The following SNTG1 variants were observed in gnomAD, a reference collection of about 807,000 sequenced individuals.
SNTG1 encodes the protein syntrophin gamma 1, also known as gamma-1-syntrophin.
In SNTG1, 39 loss-of-function variants were observed where a neutral mutation model predicts 74.7. The ratio of observed to expected loss-of-function variants is 0.52; its 90% CI spans 0.40 to 0.68. The LOEUF (loss-of-function observed/expected upper bound fraction) is 0.68, where lower values mean the gene tolerates loss of function less well. Ranked by LOEUF, SNTG1 falls within the 30% of genes least tolerant of loss-of-function variation. SNTG1 has a pLI of 0.00. For synonymous variants in SNTG1, 254 were observed against 217.1 expected, an observed-to-expected ratio of 1.17 and a Z score of -1.49; for missense variants, 685 against 609.5, an observed-to-expected ratio of 1.12 and a Z score of -1.30.
intron 1 of SNTG1, among the ~76,000 whole-genome samples, chr8:50,021,586 G>C (rs1466328920): frequency 6.6e-6 from 1 of 152,112 alleles, no homozygotes; most frequent in Non-Finnish European, 1.5e-5. Flanking sequence ...GTATCATGGT[G>C]CTGATCAGTT....
At chr8:50,569,333 T>C (rs2130745950) in intron 12 of SNTG1, among the ~76,000 whole-genome samples, 1 of 152,158 alleles carries the variant, frequency 6.6e-6, no homozygotes, top group Non-Finnish European at 1.5e-5. Context: ...TTTAATCAGT[T>C]ATTAGAGTGT....
intron 13 of SNTG1, among the ~76,000 whole-genome samples, chr8:50,653,940 T>C (rs2095164512): frequency 6.6e-6 from 1 of 152,188 alleles, no homozygotes; most frequent in South Asian, 2.1e-4. Context: ...TTATAAATCG[T>C]CTGCCTTCTA....
chr8:50,380,187 T>C (rs2092457688), intron 2 of SNTG1, among the ~76,000 whole-genome samples: 1 of 152,222 alleles, frequency 6.6e-6, no homozygotes, highest in Non-Finnish European at 1.5e-5. Flanking sequence ...CTTAAATAGT[T>C]GACTCCAAGG....
intron 1 of SNTG1, among the ~76,000 whole-genome samples, chr8:49,912,623 T>G (rs1474945600): frequency 6.6e-6 from 1 of 152,238 alleles, no homozygotes; most frequent in Non-Finnish European, 1.5e-5. Flanking sequence ...AGAGAGGGTT[T>G]AACCATGCCC....
chr8:50,794,769 A>G lies in SNTG1; in HGVS notation c.*1940A>G, dbSNP rs1179895585. On this transcript the variant is annotated 3_prime_UTR_variant, in exon 19 of 19. Coordinates refer to ENST00000642720, the MANE Select transcript of SNTG1 (RefSeq NM_018967.5). ...ATATTGGGGTTACATGAATGTGTCCACAATCTGGAAGGCAATATGACATGG... is the reference window on the plus strand; with the variant it reads ...ATATTGGGGTTACATGAATGTGTCCGCAATCTGGAAGGCAATATGACATGG... 1 of 152,068 alleles carries G rather than the reference A, an allele frequency of 6.6e-6. No individual in the cohort carries two copies. The highest frequency in any genetic ancestry group is 1.5e-5 in the Non-Finnish European group (1 of 67,962). 9.4% of individuals were successfully genotyped at this position (152,068 alleles called of 1,614,324 possible).
intron 2 of SNTG1, among the ~76,000 whole-genome samples, chr8:50,193,848 T>C (rs570291024): frequency 6.6e-6 from 1 of 152,214 alleles, no homozygotes; most frequent in East Asian, 1.9e-4. Flanking sequence ...ATGTCCCTTG[T>C]ATGCTGATTT....
At chr8:50,024,416 T>G (rs1817084529) in intron 1 of SNTG1, among the ~76,000 whole-genome samples, 1 of 152,166 alleles carries the variant, frequency 6.6e-6, no homozygotes, top group South Asian at 2.1e-4. Flanking sequence ...TCATGCAGAC[T>G]GGATTTCTTT....
intron 1 of SNTG1, among the ~76,000 whole-genome samples, chr8:50,159,631 T>C (rs1383841173): frequency 1.3e-5 from 2 of 152,200 alleles, no homozygotes; most frequent in African/African-American, 2.4e-5. Flanking sequence ...TTGACATGTA[T>C]ATCAAAAAAG....
intron 18 of SNTG1, among the ~76,000 whole-genome samples, chr8:50,766,041 G>A (rs1025402305): frequency 6.6e-6 from 1 of 151,876 alleles, no homozygotes; most frequent in African/African-American, 2.4e-5. Flanking sequence ...GTAAACTGCT[G>A]CTAAATTATG....
chr8:50,436,571 A>T (rs965488415), intron 4 of SNTG1, among the ~76,000 whole-genome samples: 1 of 152,160 alleles, frequency 6.6e-6, no homozygotes, highest in African/African-American at 2.4e-5. Flanking sequence ...AGCATTTTCC[A>T]AATTTGAAAA....
intron 8 of SNTG1, among the ~76,000 whole-genome samples, chr8:50,453,193 T>C (rs1295454139): frequency 1.3e-5 from 2 of 152,228 alleles, no homozygotes; most frequent in East Asian, 1.9e-4. Context: ...GTTTGATTTA[T>C]ATAGAAGGGG....
intron 1 of SNTG1, among the ~76,000 whole-genome samples, chr8:50,070,510 T>G (rs757217162): frequency 6.6e-6 from 1 of 152,178 alleles, no homozygotes; most frequent in Non-Finnish European, 1.5e-5. Context: ...TAAATACCCA[T>G]GCACCTGTGA....
intron 13 of SNTG1, among the ~76,000 whole-genome samples, chr8:50,611,278 C>T (rs2094848036): frequency 6.6e-6 from 1 of 152,144 alleles, no homozygotes; most frequent in Admixed American, 6.5e-5. Context: ...CCCTTTGCCT[C>T]TGAGTAGTTT....
chr8:50,708,381 G>T (rs757474075), intron 16 of SNTG1: 2 of 154,018 alleles, frequency 1.3e-5, no homozygotes, highest in Non-Finnish European at 2.9e-5. Context: ...TTAAGATCAA[G>T]ATCTATTCTT....
chr8:50,286,330 C>T (rs970737943), intron 2 of SNTG1, among the ~76,000 whole-genome samples: 1 of 152,120 alleles, frequency 6.6e-6, no homozygotes, highest in Non-Finnish European at 1.5e-5. Context: ...CTGTATCTGT[C>T]CCAATGTGAC....
intron 1 of SNTG1, among the ~76,000 whole-genome samples, chr8:49,980,447 G>A (rs572329694): frequency 4.4e-5 from 6 of 135,288 alleles, no homozygotes; most frequent in East Asian, 4.7e-4. Flanking sequence ...CTGCCTGCAC[G>A]AGTTCCTCCA....
chr8:49,918,867 C>T (rs1806278010), intron 1 of SNTG1, among the ~76,000 whole-genome samples: 1 of 151,794 alleles, frequency 6.6e-6, no homozygotes, highest in South Asian at 2.1e-4. Context: ...TGACAAAATC[C>T]CAGCTTAAAG....
At chr8:49,954,735 T>C (rs1279776405) in intron 1 of SNTG1, among the ~76,000 whole-genome samples, 4 of 152,158 alleles carry the variant, frequency 2.6e-5, no homozygotes, top group African/African-American at 9.6e-5. Flanking sequence ...TCTTTTCCAA[T>C]GTTAATGTTT....
At chr8:50,217,680 T>C (rs2084861146) in intron 2 of SNTG1, among the ~76,000 whole-genome samples, 2 of 152,182 alleles carry the variant, frequency 1.3e-5, no homozygotes, top group Admixed American at 6.5e-5. Context: ...ACCACTGTTT[T>C]CTCATTTAGC....
Sources: gnomAD v4.1 joint callset for allele counts (sites outside exome capture counted in the v4.1 genomes callset) on GRCh38, gnomAD v4.1.1 for gene constraint, MANE v1.5 for transcripts, NCBI Gene and HGNC (gene_info 2026-07-23, HGNC 2026-07-21) for gene names.